GALNT17: variants seen among roughly 807,000 people sequenced by gnomAD.
GALNT17 encodes the protein polypeptide N-acetylgalactosaminyltransferase 17, also known as UDP-GalNAc:polypeptide N-acetylgalactosaminyltransferase-like 3.
Under a neutral mutation model 63.7 loss-of-function variants are expected in GALNT17, and 29 were observed. The observed-to-expected ratio is 0.46, with a 90% CI of 0.34 to 0.62. The LOEUF is 0.62. Among genes scored for constraint, GALNT17 ranks in the 20% least tolerant of loss-of-function variants. GALNT17 has a pLI of 0.01. For missense variants in GALNT17, 603 were observed against 799.6 expected, an observed-to-expected ratio of 0.75 and a Z score of 2.97; for synonymous variants, 305 against 318.3, an observed-to-expected ratio of 0.96 and a Z score of 0.45.
At chr7:71,554,115 T>C (rs1170976538) in intron 5 of GALNT17, among the ~76,000 whole-genome samples, 1 of 152,218 alleles carries the variant, frequency 6.6e-6, no homozygotes, top group Non-Finnish European at 1.5e-5. Flanking sequence ...CCTGACTCCC[T>C]TTGTGAACCA....
At chr7:71,445,932 T>C (rs1787153798) in intron 5 of GALNT17, among the ~76,000 whole-genome samples, 1 of 152,224 alleles carries the variant, frequency 6.6e-6, no homozygotes, top group Admixed American at 6.5e-5. Context: ...TGCCTTATAG[T>C]ATTTTCTTAA....
chr7:71,439,965 A>C, intron 5 of GALNT17, among the ~76,000 whole-genome samples: 1 of 94,948 alleles, frequency 1.1e-5, no homozygotes, highest in Non-Finnish European at 2.0e-5. Flanking sequence ...TTTTTTTTTG[A>C]GACAGAATTT....
At chr7:71,428,973 C>G (rs1329741995) in intron 5 of GALNT17, among the ~76,000 whole-genome samples, 1 of 152,334 alleles carries the variant, frequency 6.6e-6, no homozygotes, top group East Asian at 1.9e-4. Context: ...GTAGGACTCT[C>G]GTCCCTCCCT....
chr7:71,314,530 A>G (rs1236307896), intron 1 of GALNT17, among the ~76,000 whole-genome samples: 1 of 152,214 alleles, frequency 6.6e-6, no homozygotes, highest in Non-Finnish European at 1.5e-5. Flanking sequence ...AGTGGAAACC[A>G]GAAAGTCTGG....
chr7:71,140,493 C>T (rs575794484), intron 1 of GALNT17, among the ~76,000 whole-genome samples: 22 of 152,326 alleles, frequency 1.4e-4, no homozygotes, highest in South Asian at 6.2e-4. Flanking sequence ...GGGCAGCTGC[C>T]ACCTGCCCAG....
rs141077268 is a variant in GALNT17 at position 71,268,729 on chromosome 7, C to T, written c.239-66821C>T. Among the ~76,000 whole-genome samples, 776 of 152,142 alleles carry T rather than the reference C, an allele frequency of 5.1e-3. 10 individuals are homozygous for T. The highest frequency in any genetic ancestry group is 0.017 in the African/African-American group (713 of 41,508). On this transcript the variant is annotated intron_variant, in intron 1 of 10. Coordinates refer to ENST00000333538, the MANE Select transcript of GALNT17 (RefSeq NM_022479.3). ...GGTTTGATGAGTGCATTCTTGGGAT[C>T]ACCTGAAATAGGGAAGAAATTGATG...
intron 1 of GALNT17, among the ~76,000 whole-genome samples, chr7:71,163,269 C>A (rs1347429172): frequency 1.3e-5 from 2 of 152,086 alleles, no homozygotes; most frequent in Non-Finnish European, 2.9e-5. Flanking sequence ...TGCACTGTTT[C>A]TGATGCTTAT....
At chr7:71,281,443 A>T (rs1790775467) in intron 1 of GALNT17, among the ~76,000 whole-genome samples, 1 of 152,252 alleles carries the variant, frequency 6.6e-6, no homozygotes, top group East Asian at 1.9e-4. Flanking sequence ...ATCTGCAAAC[A>T]TCCAGATGCA....
intron 1 of GALNT17, among the ~76,000 whole-genome samples, chr7:71,263,913 C>G (rs747185429): frequency 2.6e-5 from 4 of 152,126 alleles, no homozygotes; most frequent in Admixed American, 6.5e-5. Context: ...GATAGAGCGA[C>G]ATTCCGTCCC....
At chr7:71,572,183 G>A (rs1789454144) in intron 6 of GALNT17, among the ~76,000 whole-genome samples, 1 of 151,188 alleles carries the variant, frequency 6.6e-6, no homozygotes, top group South Asian at 2.1e-4. Flanking sequence ...TCAAAACCAG[G>A]CTGGGCAAAG....
intron 1 of GALNT17, among the ~76,000 whole-genome samples, chr7:71,313,740 T>C (rs1418953532): frequency 1.3e-5 from 2 of 152,134 alleles, no homozygotes; most frequent in Non-Finnish European, 2.9e-5. Flanking sequence ...TCTGAGTTTC[T>C]CTCTATAAAG....
intron 1 of GALNT17, among the ~76,000 whole-genome samples, chr7:71,166,714 G>A (rs56941376): frequency 0.015 from 2,267 of 152,188 alleles, 49 homozygotes; most frequent in African/African-American, 0.051. Context: ...CTATACCACA[G>A]TTTGTTTACC....
At chr7:71,347,196 TG>T (rs1489754196) in intron 2 of GALNT17, among the ~76,000 whole-genome samples, 1 of 152,152 alleles carries the variant, frequency 6.6e-6, no homozygotes, top group Non-Finnish European at 1.5e-5. Context: ...AGAAGATATC[TG>T]GGCCACCTAA....
intron 5 of GALNT17, among the ~76,000 whole-genome samples, chr7:71,535,655 T>A (rs1788791587): frequency 6.6e-6 from 1 of 152,222 alleles, no homozygotes; most frequent in South Asian, 2.1e-4. Context: ...CCCTCTAACA[T>A]ATGGCCTGAT....
At chr7:71,184,938 C>CACTT (rs1163869488) in intron 1 of GALNT17, among the ~76,000 whole-genome samples, 101 of 76,556 alleles carry the variant, frequency 1.3e-3, no homozygotes, top group South Asian at 5.8e-3. Flanking sequence ...CTCCCTTCCT[C>CACTT]ACTTCCTTCC....
At chr7:71,225,520 G>A (rs1344575558) in intron 1 of GALNT17, among the ~76,000 whole-genome samples, 1 of 152,170 alleles carries the variant, frequency 6.6e-6, no homozygotes, top group African/African-American at 2.4e-5. Flanking sequence ...AGTGAGAAAC[G>A]CCAATTAAGT....
intron 1 of GALNT17, among the ~76,000 whole-genome samples, chr7:71,166,075 G>A (rs762567664): frequency 3.7e-4 from 57 of 152,130 alleles, no homozygotes; most frequent in Admixed American, 1.3e-4. Context: ...CTGAAGAGCT[G>A]TGCTTTGCAG....
rs556279031 is a variant in GALNT17, at chr7:71,234,512, C to T, written c.239-101038C>T. Among the ~76,000 whole-genome samples the T allele has an allele frequency of 1.4e-4, 21 of 152,272 alleles. 1 individual carries two copies. The South Asian group carries it at 2.7e-3, about 20-fold the overall frequency. On this transcript the variant is annotated intron_variant, in intron 1 of 10. Transcript: ENST00000333538. ...CTGCTGAGCTCAGGTGATCAGCCCA[C>T]TTCGGCCTCCCAAAGTGTTAAGATT...
intron 3 of GALNT17, among the ~76,000 whole-genome samples, chr7:71,404,597 C>G (rs896794845): frequency 1.4e-4 from 21 of 152,222 alleles, no homozygotes; most frequent in African/African-American, 5.1e-4. Context: ...GTTTTAGATG[C>G]TTGGTTCCTC....
Sources: allele counts gnomAD v4.1 joint callset (sites outside exome capture counted in the v4.1 genomes callset), GRCh38; gene constraint gnomAD v4.1.1; transcripts MANE v1.5; gene names NCBI Gene and HGNC (gene_info 2026-07-23, HGNC 2026-07-21).